The following REDIC1 variants were observed in gnomAD, a reference collection of about 807,000 sequenced individuals.
REDIC1 encodes the protein regulator of DNA class I crossover intermediates 1, also known as HEI10 Interacting Protein 1.
the REDIC1 span, among the ~76,000 whole-genome samples, chr12:39,630,436 C>A: frequency 6.6e-6 from 1 of 152,048 alleles, no homozygotes; most frequent in Admixed American, 6.6e-5. Context: ...GAGAGGTTAC[C>A]ATTTGTAAAT....
chr12:39,860,048 G>C, the REDIC1 span, among the ~76,000 whole-genome samples: 2 of 152,184 alleles, frequency 1.3e-5, no homozygotes, highest in Non-Finnish European at 2.9e-5. Context: ...GAAAGGAATA[G>C]AAAAAGAAGC....
At chr12:39,827,582 T>C in the REDIC1 span, among the ~76,000 whole-genome samples, 1 of 152,126 alleles carries the variant, frequency 6.6e-6, no homozygotes, top group Non-Finnish European at 1.5e-5. Context: ...ATTAAACTTG[T>C]ATGTGTGTGG....
chr12:39,665,548 C>T, the REDIC1 span, among the ~76,000 whole-genome samples: 20 of 139,408 alleles, frequency 1.4e-4, no homozygotes, highest in South Asian at 2.6e-3. Flanking sequence ...ATTGACTTGG[C>T]GATGCGGGCT....
At chr12:39,807,836 G>A in the REDIC1 span, among the ~76,000 whole-genome samples, 1 of 152,112 alleles carries the variant, frequency 6.6e-6, no homozygotes, top group Non-Finnish European at 1.5e-5. Context: ...ATCGTACCAG[G>A]AGAATCTTGT....
the REDIC1 span, among the ~76,000 whole-genome samples, chr12:39,796,422 TAAA>T: frequency 2.6e-4 from 30 of 117,596 alleles, no homozygotes; most frequent in South Asian, 6.0e-4. Context: ...GGACCCATCT[TAAA>T]AAAAAAAAAA....
the REDIC1 span, among the ~76,000 whole-genome samples, chr12:39,783,459 A>G: frequency 6.6e-6 from 1 of 152,196 alleles, no homozygotes; most frequent in Non-Finnish European, 1.5e-5. Flanking sequence ...GTCTTCCACA[A>G]TGGTTGAACT....
At chr12:39,737,610 T>G in the REDIC1 span, among the ~76,000 whole-genome samples, 1 of 152,166 alleles carries the variant, frequency 6.6e-6, no homozygotes, top group Non-Finnish European at 1.5e-5. Flanking sequence ...TTATCCCCAT[T>G]TTGCAGATAA....
the REDIC1 span, among the ~76,000 whole-genome samples, chr12:39,726,872 G>T: frequency 6.6e-6 from 1 of 152,172 alleles, no homozygotes; most frequent in Non-Finnish European, 1.5e-5. Context: ...GGCGCGAGAT[G>T]GTATCTCATT....
the REDIC1 span, among the ~76,000 whole-genome samples, chr12:39,726,498 T>C: frequency 6.6e-6 from 1 of 152,138 alleles, no homozygotes; most frequent in Non-Finnish European, 1.5e-5. Flanking sequence ...GGACTCATCC[T>C]CTTTTTATGG....
the REDIC1 span, among the ~76,000 whole-genome samples, chr12:39,728,481 T>C: frequency 1.3e-5 from 2 of 152,216 alleles, no homozygotes; most frequent in Non-Finnish European, 2.9e-5. Flanking sequence ...CAGCCTTGCA[T>C]CTCAGGGATG....
the REDIC1 span, among the ~76,000 whole-genome samples, chr12:39,804,963 A>G: frequency 1.6e-5 from 2 of 123,482 alleles, no homozygotes; most frequent in Non-Finnish European, 3.5e-5. Context: ...AGACTTTGGC[A>G]CTTGCTTGGA....
At chr12:39,692,289 C>A in the REDIC1 span, 2 of 524,738 alleles carry the variant, frequency 3.8e-6, no homozygotes, top group Non-Finnish European at 6.1e-6. Context: ...ATTAAATATA[C>A]ATGAGTACAT....
the REDIC1 span, chr12:39,756,714 A>G: frequency 6.6e-6 from 1 of 151,650 alleles, no homozygotes; most frequent in South Asian, 2.1e-4. Flanking sequence ...GTCAGCTTAT[A>G]TTTTTCCTGA....
chr12:39,711,737 A>ATACACGTGTG, the REDIC1 span, among the ~76,000 whole-genome samples: 1 of 100,882 alleles, frequency 9.9e-6, no homozygotes, highest in Non-Finnish European at 2.2e-5. Context: ...GCATGTGTGT[A>ATACACGTGTG]TGTGTGTATA....
chr12:39,900,034 T>A, the REDIC1 span, among the ~76,000 whole-genome samples: 1 of 152,116 alleles, frequency 6.6e-6, no homozygotes, highest in Non-Finnish European at 1.5e-5. Context: ...GGCTGGTTCA[T>A]TATATGCAAA....
chr12:39,758,738 A>G, the REDIC1 span: 1 of 152,144 alleles, frequency 6.6e-6, no homozygotes, highest in East Asian at 1.9e-4. Context: ...ATTTTTACAC[A>G]AGAAGGAAAA....
the REDIC1 span, among the ~76,000 whole-genome samples, chr12:39,834,444 A>T: frequency 6.6e-6 from 1 of 152,048 alleles, no homozygotes; most frequent in Non-Finnish European, 1.5e-5. Flanking sequence ...CAGGACCAAC[A>T]CCAAGTCTCA....
the REDIC1 span, among the ~76,000 whole-genome samples, chr12:39,690,628 A>G: frequency 7.5e-6 from 1 of 133,564 alleles, no homozygotes; most frequent in Non-Finnish European, 1.5e-5. Flanking sequence ...ATTAAGAAAA[A>G]ATCAATATAG....
At chr12:39,695,432 G>T in the REDIC1 span, among the ~76,000 whole-genome samples, 21 of 152,058 alleles carry the variant, frequency 1.4e-4, no homozygotes, top group Non-Finnish European at 2.8e-4. Context: ...AGAACCCTTG[G>T]GTCTTAAGGG....
Sources: gnomAD v4.1 joint callset for allele counts (sites outside exome capture counted in the v4.1 genomes callset) on GRCh38, gnomAD v4.1.1 for gene constraint, MANE v1.5 for transcripts, NCBI Gene and HGNC (gene_info 2026-07-23, HGNC 2026-07-21) for gene names.